NRG1: variants seen among roughly 807,000 people sequenced by gnomAD.
NRG1 encodes the protein pro-neuregulin-1, membrane-bound isoform.
NRG1 carries 18 observed loss-of-function variants against 63.8 expected under a neutral mutation model. The ratio of observed to expected loss-of-function variants is 0.28; its 90% CI spans 0.19 to 0.42. The LOEUF is 0.42. Among genes scored for constraint, NRG1 ranks in the 10% least tolerant of loss-of-function variants. The pLI, the probability that NRG1 is intolerant of heterozygous loss-of-function variation, is 1.00. For synonymous variants in NRG1, 302 were observed against 301.3 expected (o/e 1.00, Z -0.02); for missense variants, 762 against 814.7 (o/e 0.94, Z 0.79).
intron 1 of NRG1, among the ~76,000 whole-genome samples, chr8:32,307,664 C>G (rs1300399466): frequency 2.6e-5 from 4 of 151,116 alleles, no homozygotes; most frequent in African/African-American, 9.7e-5. Context: ...AATGGTCAAC[C>G]AGTTGACTCC....
intron 1 of NRG1, among the ~76,000 whole-genome samples, chr8:32,179,978 T>G (rs1434442442): frequency 6.6e-6 from 1 of 152,168 alleles, no homozygotes; most frequent in African/African-American, 2.4e-5. Flanking sequence ...CAGCCTCCAT[T>G]CTAATGCCAT....
chr8:31,740,641 C>T (rs144997036), intron 1 of NRG1, among the ~76,000 whole-genome samples: 55 of 151,310 alleles, frequency 3.6e-4, no homozygotes, highest in African/African-American at 1.2e-3. Context: ...ACTTGGAATT[C>T]GATGTGTGTG....
chr8:32,332,708 T>C (rs766730012), intron 1 of NRG1, among the ~76,000 whole-genome samples: 2 of 152,040 alleles, frequency 1.3e-5, no homozygotes, highest in African/African-American at 2.4e-5. Flanking sequence ...TCATAGCAAG[T>C]AAGAAAAAAG....
intron 1 of NRG1, among the ~76,000 whole-genome samples, chr8:32,502,028 T>C (rs1199399896): frequency 6.6e-6 from 1 of 152,152 alleles, no homozygotes; most frequent in Non-Finnish European, 1.5e-5. Context: ...TTTGCATCAA[T>C]ACACTACTGT....
At chr8:32,659,428 G>A (rs904056206) in intron 5 of NRG1, among the ~76,000 whole-genome samples, 4 of 152,074 alleles carry the variant, frequency 2.6e-5, no homozygotes, top group Non-Finnish European at 5.9e-5. Flanking sequence ...GATTATAGCC[G>A]TGACCCACCG....
chr8:32,563,551 C>T (rs1364856315), intron 1 of NRG1, among the ~76,000 whole-genome samples: 1 of 152,130 alleles, frequency 6.6e-6, no homozygotes, highest in Non-Finnish European at 1.5e-5. Context: ...TCTCAGATAC[C>T]TTTAACTTAG....
intron 1 of NRG1, among the ~76,000 whole-genome samples, chr8:31,836,692 T>C (rs1825721277): frequency 6.6e-6 from 1 of 152,098 alleles, no homozygotes; most frequent in African/African-American, 2.4e-5. Context: ...TCCCTATCGA[T>C]GAATATTTAC....
At chr8:32,306,711 A>G (rs1051567722) in intron 1 of NRG1, among the ~76,000 whole-genome samples, 18 of 152,344 alleles carry the variant, frequency 1.2e-4, no homozygotes, top group African/African-American at 4.3e-4. Flanking sequence ...TTTTTCCAGT[A>G]ATGGAGAAAG....
At chr8:31,994,653 CAAA>C (rs59019886) in intron 1 of NRG1, among the ~76,000 whole-genome samples, 1,054 of 62,310 alleles carry the variant, frequency 0.017, 6 homozygotes, top group African/African-American at 0.06. Flanking sequence ...TACTCTGTCT[CAAA>C]AAAAAAAAAA....
chr8:32,487,160 A>T (rs1826004591), intron 1 of NRG1, among the ~76,000 whole-genome samples: 1 of 152,066 alleles, frequency 6.6e-6, no homozygotes, highest in Admixed American at 6.6e-5. Flanking sequence ...TAAAAAAAAA[A>T]AAAATAACGT....
chr8:31,792,950 C>G lies in NRG1; in HGVS notation c.37+153519C>G, dbSNP rs116705725. On this transcript the variant is annotated intron_variant, in intron 1 of 10. Transcript: ENST00000519301. Reference sequence around the variant, plus strand: ...AAAAGCCCTACTCATGTTTCTAATTCTCACACCCATGTAATTCACAGGCAT... The same window carrying G: ...AAAAGCCCTACTCATGTTTCTAATTGTCACACCCATGTAATTCACAGGCAT... Among the ~76,000 whole-genome samples the G allele has an allele frequency of 1.7e-3, 264 of 152,352 alleles. 3 individuals carry two copies. The highest frequency in any genetic ancestry group is 5.8e-3 in the African/African-American group (243 of 41,584).
intron 5 of NRG1, among the ~76,000 whole-genome samples, chr8:32,642,531 G>A (rs139451623): frequency 3.3e-5 from 5 of 152,322 alleles, no homozygotes; most frequent in Non-Finnish European, 7.3e-5. Flanking sequence ...ATCCATTGGT[G>A]TACTTTATCC....
intron 1 of NRG1, among the ~76,000 whole-genome samples, chr8:32,048,946 C>T (rs1821542055): frequency 6.6e-6 from 1 of 151,818 alleles, no homozygotes; most frequent in Non-Finnish European, 1.5e-5. Flanking sequence ...TAAGGGAGGC[C>T]AAATGGAAAG....
At chr8:32,035,326 C>A (rs1421270067) in intron 1 of NRG1, among the ~76,000 whole-genome samples, 2 of 151,962 alleles carry the variant, frequency 1.3e-5, no homozygotes, top group Non-Finnish European at 2.9e-5. Flanking sequence ...TATTTCAGTT[C>A]TTTTGCATTT....
intron 1 of NRG1, among the ~76,000 whole-genome samples, chr8:32,420,046 GA>G (rs1314316543): frequency 6.6e-6 from 1 of 152,218 alleles, no homozygotes; most frequent in African/African-American, 2.4e-5. Context: ...GACTCTTCCA[GA>G]AGGCAATCCT....
intron 1 of NRG1, among the ~76,000 whole-genome samples, chr8:32,158,925 G>C (rs1186962108): frequency 2.6e-5 from 4 of 152,090 alleles, no homozygotes; most frequent in Non-Finnish European, 5.9e-5. Context: ...GATAGCCCCT[G>C]AGCCACCACA....
At chr8:32,716,671 G>A (rs1260876943) in intron 5 of NRG1, among the ~76,000 whole-genome samples, 2 of 152,138 alleles carry the variant, frequency 1.3e-5, no homozygotes, top group Non-Finnish European at 2.9e-5. Context: ...GCTGAGATAA[G>A]GCCCTAACCT....
intron 7 of NRG1, among the ~76,000 whole-genome samples, chr8:32,745,657 G>T (rs1009787509): frequency 6.6e-6 from 1 of 151,674 alleles, no homozygotes; most frequent in African/African-American, 2.4e-5. Flanking sequence ...TGTGTTCATC[G>T]ATATGTGGTG....
intron 1 of NRG1, among the ~76,000 whole-genome samples, chr8:32,178,836 G>C (rs954947538): frequency 6.6e-6 from 1 of 151,926 alleles, no homozygotes; most frequent in African/African-American, 2.4e-5. Flanking sequence ...TGAAGAAGAG[G>C]GAGGAGTCAG....
Sources: gnomAD v4.1 joint callset for allele counts (sites outside exome capture counted in the v4.1 genomes callset) on GRCh38, gnomAD v4.1.1 for gene constraint, MANE v1.5 for transcripts, NCBI Gene and HGNC (gene_info 2026-07-23, HGNC 2026-07-21) for gene names.